SLC4A4: variants seen among roughly 807,000 people sequenced by gnomAD.
The protein encoded by SLC4A4 is electrogenic sodium bicarbonate cotransporter 1.
Under a neutral mutation model 111.5 loss-of-function variants are expected in SLC4A4, and 27 were observed. The ratio of observed to expected loss-of-function variants is 0.24; its 90% CI spans 0.18 to 0.33. The LOEUF (loss-of-function observed/expected upper bound fraction) is 0.33. Ranked by LOEUF, SLC4A4 falls within the 10% of genes least tolerant of loss-of-function variation. The pLI, the probability that SLC4A4 is intolerant of heterozygous loss-of-function variation, is 1.00. For synonymous variants in SLC4A4, 443 were observed against 463.4 expected, an observed-to-expected ratio of 0.96 and a Z score of 0.57; for missense variants, 909 against 1,315.5, an observed-to-expected ratio of 0.69 and a Z score of 4.78.
intron 3 of SLC4A4, among the ~76,000 whole-genome samples, chr4:71,338,522 T>A (rs1451222291): frequency 1.3e-5 from 2 of 151,774 alleles, no homozygotes; most frequent in Non-Finnish European, 2.9e-5. Flanking sequence ...CTCTCTTTCT[T>A]TTCTTCTTCT....
At chr4:71,255,126 A>G (rs754394085) in intron 2 of SLC4A4, 94 bp from the exon 3 acceptor site, 11 of 1,179,048 alleles carry the variant, frequency 9.3e-6, no homozygotes, top group African/African-American at 4.5e-5. Context: ...CGTTGAATTT[A>G]TAGACATTTT....
chr4:71,412,484 G>A (rs868854879), intron 7 of SLC4A4, among the ~76,000 whole-genome samples: 12 of 152,188 alleles, frequency 7.9e-5, no homozygotes, highest in Non-Finnish European at 1.0e-4. Flanking sequence ...TGGATGTTTC[G>A]TGGAAGCAGA....
intron 7 of SLC4A4, among the ~76,000 whole-genome samples, chr4:71,399,028 C>T (rs1327692907): frequency 6.6e-6 from 1 of 151,938 alleles, no homozygotes; most frequent in African/African-American, 2.4e-5. Context: ...TCATTATTCT[C>T]TAAATAATAC....
intron 16 of SLC4A4, among the ~76,000 whole-genome samples, chr4:71,531,458 A>G (rs1233558754): frequency 2.0e-5 from 3 of 152,080 alleles, no homozygotes; most frequent in Non-Finnish European, 2.9e-5. Context: ...TGACATTTCT[A>G]TCTTTCATCA....
intron 15 of SLC4A4, among the ~76,000 whole-genome samples, chr4:71,497,214 A>G (rs140927343): frequency 5.3e-4 from 81 of 152,232 alleles, no homozygotes; most frequent in African/African-American, 1.9e-3. Flanking sequence ...GGTGTGCAGG[A>G]AAGAAGTACT....
chr4:71,091,074 AG>A (rs546760162), intron 1 of SLC4A4, among the ~76,000 whole-genome samples: 118 of 152,180 alleles, frequency 7.8e-4, no homozygotes, highest in Non-Finnish European at 3.1e-4. Flanking sequence ...CAGCCTCCTG[AG>A]TAGCTGAGAT....
At chr4:71,521,847 C>T (rs925306323) in intron 16 of SLC4A4, among the ~76,000 whole-genome samples, 1 of 152,114 alleles carries the variant, frequency 6.6e-6, no homozygotes, top group African/African-American at 2.4e-5. Flanking sequence ...AAACTTATCA[C>T]AGTCCTTTTC....
chr4:71,345,142 G>T (rs1729211929), intron 4 of SLC4A4, among the ~76,000 whole-genome samples: 1 of 152,098 alleles, frequency 6.6e-6, no homozygotes, highest in Non-Finnish European at 1.5e-5. Context: ...AAAAAGGGTA[G>T]ACTTATCAGA....
At chr4:71,506,122 G>C (rs915578722) in intron 16 of SLC4A4, among the ~76,000 whole-genome samples, 1 of 152,092 alleles carries the variant, frequency 6.6e-6, no homozygotes, top group African/African-American at 2.4e-5. Flanking sequence ...GTAGCATGAT[G>C]CCTCCAGCAT....
intron 1 of SLC4A4, among the ~76,000 whole-genome samples, chr4:71,211,849 G>A (rs538610971): frequency 4.5e-4 from 67 of 150,530 alleles, no homozygotes; most frequent in African/African-American, 1.6e-3. Context: ...GGTGATGACT[G>A]TCAGGCCTGG....
chr4:71,494,129 C>A (rs934490412), intron 15 of SLC4A4, among the ~76,000 whole-genome samples: 10 of 151,996 alleles, frequency 6.6e-5, no homozygotes, highest in African/African-American at 2.2e-4. Flanking sequence ...TGACATCTCT[C>A]CTAGATCTAG....
At chr4:71,414,591 T>A (rs1037879141) in intron 7 of SLC4A4, among the ~76,000 whole-genome samples, 1 of 152,236 alleles carries the variant, frequency 6.6e-6, no homozygotes, top group African/African-American at 2.4e-5. Context: ...GAAGTCTATG[T>A]TTTTTATTAG....
intron 1 of SLC4A4, among the ~76,000 whole-genome samples, chr4:71,230,652 C>T (rs1487688924): frequency 6.6e-6 from 1 of 152,146 alleles, no homozygotes; most frequent in African/African-American, 2.4e-5. Context: ...ACACTGGTGC[C>T]CTGCTGCTCT....
Position 71,380,215 on chromosome 4 carries a change from A to G in SLC4A4, c.731-17362A>G, listed in dbSNP as rs115271259. The stretch of plus-strand genomic sequence containing the variant: ...AGGGCCTTCGTTTCTTACTGTCTAG[A>G]TCATTCTATCCATGACTGAGATATC... On this transcript the variant is annotated intron_variant, in intron 6 of 25. Transcript: ENST00000264485. Among the ~76,000 whole-genome samples the G allele has an allele frequency of 9.0e-3, 1,375 of 152,274 alleles. 25 individuals are homozygous for G. The highest frequency in any genetic ancestry group is 0.032 in the African/African-American group (1,323 of 41,544).
At chr4:71,523,810 C>T (rs1047542761) in intron 16 of SLC4A4, among the ~76,000 whole-genome samples, 1 of 151,944 alleles carries the variant, frequency 6.6e-6, no homozygotes, top group African/African-American at 2.4e-5. Context: ...GCCCTGGAAC[C>T]CTTTATGATA....
At chr4:71,496,631 T>A (rs919506647) in intron 15 of SLC4A4, among the ~76,000 whole-genome samples, 27 of 152,024 alleles carry the variant, frequency 1.8e-4, no homozygotes, top group African/African-American at 6.0e-4. Context: ...CAGCTAGTAC[T>A]CAGAGCAACT....
chr4:71,076,762 G>A (rs1051753544), intron 1 of SLC4A4, among the ~76,000 whole-genome samples: 1 of 152,052 alleles, frequency 6.6e-6, no homozygotes, highest in Non-Finnish European at 1.5e-5. Context: ...AGGTTGAAGC[G>A]GGCAGATTGT....
chr4:71,236,301 C>T (rs556136697), intron 1 of SLC4A4: 4 of 1,040,052 alleles, frequency 3.8e-6, no homozygotes, highest in East Asian at 5.1e-5. Context: ...GGAGAGCCCC[C>T]AACATCCTGC....
chr4:71,403,307 A>T (rs1720538330), intron 7 of SLC4A4, among the ~76,000 whole-genome samples: 1 of 152,218 alleles, frequency 6.6e-6, no homozygotes, highest in African/African-American at 2.4e-5. Flanking sequence ...GAATTCATTC[A>T]TTCAAAATGT....
Sources: gnomAD v4.1 joint callset for allele counts (sites outside exome capture counted in the v4.1 genomes callset) on GRCh38, gnomAD v4.1.1 for gene constraint, MANE v1.5 for transcripts, NCBI Gene and HGNC (gene_info 2026-07-23, HGNC 2026-07-21) for gene names.